Variants in PARD3 observed in about 807,000 individuals in gnomAD.
PARD3 encodes partitioning defective 3 homolog.
PARD3 carries 75 observed loss-of-function variants against 155.4 expected under a neutral mutation model. The ratio of observed to expected loss-of-function variants is 0.48; its 90% CI spans 0.40 to 0.58. PARD3 has a LOEUF of 0.58. PARD3 is among the 20% of genes least tolerant of loss of function. The pLI, the probability that PARD3 is intolerant of heterozygous loss-of-function variation, is 0.00. For synonymous variants in PARD3, 576 were observed against 610.5 expected (o/e 0.94, Z 0.83); for missense variants, 1,642 against 1,721.7 (o/e 0.95, Z 0.82).
chr10:34,796,620 G>C (rs1338286881), intron 1 of PARD3, among the ~76,000 whole-genome samples: 1 of 152,198 alleles, frequency 6.6e-6, no homozygotes, highest in Admixed American at 6.5e-5. Flanking sequence ...AGTTGCAGTA[G>C]ATTTGAAGAA....
intron 5 of PARD3, 43 bp from the exon 6 acceptor site, chr10:34,401,960 T>C (rs1388085954): frequency 2.7e-6 from 4 of 1,459,074 alleles, no homozygotes; most frequent in Admixed American, 3.3e-5. Context: ...CTGTGTTAGG[T>C]TTCTTGCTAC....
intron 1 of PARD3, among the ~76,000 whole-genome samples, chr10:34,726,495 A>C (rs1439131657): frequency 6.7e-6 from 1 of 148,858 alleles, no homozygotes; most frequent in Non-Finnish European, 1.5e-5. Flanking sequence ...CTGAGGCAGA[A>C]TCGCTCGAGC....
chr10:34,325,679 C>T (rs953300944), intron 19 of PARD3, among the ~76,000 whole-genome samples: 2 of 152,192 alleles, frequency 1.3e-5, no homozygotes, highest in African/African-American at 4.8e-5. Context: ...TTTAGGTACA[C>T]ACTCTGCAGT....
chr10:34,734,075 T>C (rs1042262203), intron 1 of PARD3, among the ~76,000 whole-genome samples: 1 of 151,858 alleles, frequency 6.6e-6, no homozygotes, highest in South Asian at 2.1e-4. Flanking sequence ...AAAGTAACCA[T>C]ATGGTTTTAA....
At position 34,761,511 on chromosome 10, in the gene PARD3, G is replaced by A. The variant is rs146065684; in HGVS notation, c.120+53365C>T. Among the ~76,000 whole-genome samples the A allele has an allele frequency of 3.0e-4, 46 of 152,264 alleles. 1 individual carries two copies. The highest frequency in any genetic ancestry group is 1.0e-3 in the African/African-American group (42 of 41,562). On this transcript the variant is annotated intron_variant, in intron 1 of 24. Transcript: ENST00000374788. Reference sequence around the variant, plus strand: ...AGTTTAAAACAAAACAAATCAGATTGATTATTTTTCAGTCCTAAAAAGTAA... The same window carrying A: ...AGTTTAAAACAAAACAAATCAGATTAATTATTTTTCAGTCCTAAAAAGTAA...
At chr10:34,136,028 C>T (rs888144430) in intron 22 of PARD3, among the ~76,000 whole-genome samples, 2 of 152,190 alleles carry the variant, frequency 1.3e-5, no homozygotes, top group Non-Finnish European at 2.9e-5. Flanking sequence ...ACTTACTTTA[C>T]TTTTGAAATT....
At chr10:34,365,624 T>A (rs906294935) in intron 12 of PARD3, among the ~76,000 whole-genome samples, 9 of 152,218 alleles carry the variant, frequency 5.9e-5, no homozygotes, top group Non-Finnish European at 7.3e-5. Flanking sequence ...AGTCTCGCTC[T>A]GTTGCCCAGG....
At chr10:34,299,700 G>A (rs1413424662) in intron 20 of PARD3, among the ~76,000 whole-genome samples, 2 of 152,096 alleles carry the variant, frequency 1.3e-5, no homozygotes, top group South Asian at 2.1e-4. Flanking sequence ...TTTGAATGTG[G>A]GACCTTCTGA....
At chr10:34,163,081 T>C (rs1434800618) in intron 22 of PARD3, among the ~76,000 whole-genome samples, 1 of 152,208 alleles carries the variant, frequency 6.6e-6, no homozygotes. Flanking sequence ...GTAATTATTT[T>C]TGACTTTAGA....
intron 1 of PARD3, among the ~76,000 whole-genome samples, chr10:34,776,279 T>C (rs973069130): frequency 5.3e-5 from 8 of 152,192 alleles, no homozygotes; most frequent in Non-Finnish European, 1.2e-4. Context: ...TGAGAACTAA[T>C]TTTGACAAGT....
intron 4 of PARD3, among the ~76,000 whole-genome samples, chr10:34,468,759 G>A (rs900954843): frequency 1.3e-5 from 2 of 151,974 alleles, no homozygotes; most frequent in Non-Finnish European, 2.9e-5. Context: ...TGTTTTCCAT[G>A]TACTTTTTTT....
intron 5 of PARD3, among the ~76,000 whole-genome samples, chr10:34,446,216 G>A (rs2076731054): frequency 6.6e-6 from 1 of 152,148 alleles, no homozygotes; most frequent in African/African-American, 2.4e-5. Flanking sequence ...AAGGCTCCCT[G>A]AAAAAATGTG....
chr10:34,704,623 T>G (rs2094335610), intron 1 of PARD3, among the ~76,000 whole-genome samples: 1 of 152,038 alleles, frequency 6.6e-6, no homozygotes, highest in Admixed American at 6.6e-5. Flanking sequence ...AATATTAAAG[T>G]AAATATCAAA....
intron 1 of PARD3, among the ~76,000 whole-genome samples, chr10:34,772,042 C>A (rs1838937377): frequency 6.6e-6 from 1 of 152,152 alleles, no homozygotes; most frequent in Non-Finnish European, 1.5e-5. Flanking sequence ...ATTCATCTCG[C>A]CCAACAAGCA....
chr10:34,575,680 AAG>A lies in PARD3; in HGVS notation c.223-58523_223-58522del, dbSNP rs2086824920. On this transcript the variant is annotated intron_variant, in intron 2 of 24. Transcript: ENST00000374788. Reference sequence around the variant, plus strand: ...GGAGGCCAAGGTGGGCAGATCACCTAAGGTCAGGAGTTCGAGACCAGCCTGGC... The same window carrying A: ...GGAGGCCAAGGTGGGCAGATCACCTAGTCAGGAGTTCGAGACCAGCCTGGC... Among the ~76,000 whole-genome samples the A allele has an allele frequency of 7.2e-5, 11 of 152,130 alleles. No individual in the cohort carries two copies. The South Asian group carries it at 2.3e-3, about 32-fold the overall frequency.
intron 20 of PARD3, among the ~76,000 whole-genome samples, chr10:34,288,482 C>A (rs1016201324): frequency 2.6e-5 from 4 of 152,082 alleles, no homozygotes; most frequent in African/African-American, 9.7e-5. Context: ...AAAAAAGTAT[C>A]TATACCCATA....
At chr10:34,348,555 T>C (rs887741774) in intron 14 of PARD3, among the ~76,000 whole-genome samples, 7 of 152,208 alleles carry the variant, frequency 4.6e-5, no homozygotes, top group Admixed American at 3.9e-4. Context: ...TGTAAATACA[T>C]CTAACAATTA....
At chr10:34,494,330 G>A (rs1379229497) in intron 3 of PARD3, among the ~76,000 whole-genome samples, 1 of 152,192 alleles carries the variant, frequency 6.6e-6, no homozygotes, top group African/African-American at 2.4e-5. Context: ...GAGGCCCAGC[G>A]TGCTAGTCAT....
At chr10:34,116,836 G>C (rs1027636873) in intron 24 of PARD3, among the ~76,000 whole-genome samples, 1 of 152,204 alleles carries the variant, frequency 6.6e-6, no homozygotes, top group Non-Finnish European at 1.5e-5. Flanking sequence ...AACAGCGGAG[G>C]CACTAGCGGT....
Sources: allele counts gnomAD v4.1 joint callset (sites outside exome capture counted in the v4.1 genomes callset), GRCh38; gene constraint gnomAD v4.1.1; transcripts MANE v1.5; gene names NCBI Gene and HGNC (gene_info 2026-07-23, HGNC 2026-07-21).